NME7: variants seen among roughly 807,000 people sequenced by gnomAD.
NME7 encodes the protein nucleoside diphosphate kinase 7.
A neutral mutation model predicts 49.1 loss-of-function variants in NME7; 41 were observed. The observed-to-expected ratio is 0.83, with a 90% CI of 0.65 to 1.08. The LOEUF (loss-of-function observed/expected upper bound fraction) is 1.08. NME7 is among the 50% of genes least tolerant of loss of function. The pLI is 0.00. For synonymous variants in NME7, 139 were observed against 150.6 expected, an observed-to-expected ratio of 0.92 and a Z score of 0.56; for missense variants, 423 against 463.4, an observed-to-expected ratio of 0.91 and a Z score of 0.80.
intron 7 of NME7, among the ~76,000 whole-genome samples, chr1:169,271,195 G>A (rs143631633): frequency 6.7e-5 from 9 of 133,364 alleles, no homozygotes; most frequent in African/African-American, 2.0e-4. Context: ...CATCCACATA[G>A]ATTAACTATA....
rs1452847748 is a variant in NME7, at chr1:169,355,143, T to C, written c.3+12565A>G. Among the ~76,000 whole-genome samples the C allele has an allele frequency of 7.9e-4, 33 of 42,006 alleles. 5 individuals carry two copies. The highest frequency in any genetic ancestry group is 3.2e-3 in the African/African-American group (33 of 10,328). 27.6% of individuals were successfully genotyped at this position (42,006 alleles called of 152,430 possible). ...TACTATATATTATAGATATAATATA[T>C]AATATACTATATATTATAGATATAA... On this transcript the variant is annotated intron_variant, in intron 1 of 11. Coordinates refer to ENST00000367811, the MANE Select transcript of NME7 (RefSeq NM_013330.5).
intron 10 of NME7, among the ~76,000 whole-genome samples, chr1:169,173,248 T>C (rs1659655558): frequency 6.6e-6 from 1 of 152,212 alleles, no homozygotes; most frequent in African/African-American, 2.4e-5. Flanking sequence ...GACAGAAAGG[T>C]ATGTTTTGAC....
chr1:169,213,834 T>TAA (rs1557991046), intron 10 of NME7, among the ~76,000 whole-genome samples: 2 of 150,494 alleles, frequency 1.3e-5, no homozygotes, highest in Admixed American at 1.3e-4. Flanking sequence ...TAAATAAATA[T>TAA]ATATATATAT....
chr1:169,304,507 T>C (rs16862077), intron 4 of NME7, among the ~76,000 whole-genome samples: 2,257 of 152,278 alleles, frequency 0.015, 62 homozygotes, highest in African/African-American at 0.051. Flanking sequence ...CATTTGGCTA[T>C]GAAGAGATTA....
At chr1:169,323,987 G>A (rs980497426) in intron 2 of NME7, among the ~76,000 whole-genome samples, 1 of 151,756 alleles carries the variant, frequency 6.6e-6, no homozygotes, top group East Asian at 1.9e-4. Context: ...CCGAGTAGCT[G>A]GGATTACAGG....
rs11585212 is a variant in NME7 at position 169,186,260 on chromosome 1, C to G, written c.991-16706G>C. Among the ~76,000 whole-genome samples, 179 of 152,194 alleles carry G rather than the reference C, an allele frequency of 1.2e-3. 1 individual carries two copies. Among genetic ancestry groups the G allele is most frequent in the Middle Eastern group, 0.01 (3 of 294 alleles). ...GTTGAGAATTGAAACCTGAGACTCACACAAATAACAAAATAGCACCACGGA... is the reference window on the plus strand; with the variant it reads ...GTTGAGAATTGAAACCTGAGACTCAGACAAATAACAAAATAGCACCACGGA... On this transcript the variant is annotated intron_variant, in intron 10 of 11. Transcript: ENST00000367811.
chr1:169,213,405 G>A (rs745843072), intron 10 of NME7, among the ~76,000 whole-genome samples: 5 of 151,758 alleles, frequency 3.3e-5, no homozygotes, highest in South Asian at 2.1e-4. Context: ...CTACAGCCTC[G>A]AGTACCTCTT....
At chr1:169,321,779 G>A (rs770855776) in intron 3 of NME7, among the ~76,000 whole-genome samples, 17 of 152,174 alleles carry the variant, frequency 1.1e-4, no homozygotes, top group Non-Finnish European at 8.8e-5. Flanking sequence ...TGACTCAGAC[G>A]TTAGGCAATC....
chr1:169,193,939 T>C (rs957783054), intron 10 of NME7, among the ~76,000 whole-genome samples: 3 of 150,834 alleles, frequency 2.0e-5, no homozygotes, highest in African/African-American at 7.3e-5. Context: ...CAAAGAGCAG[T>C]TAAAAAAAAA....
chr1:169,161,012 C>T (rs1659228107), intron 11 of NME7, among the ~76,000 whole-genome samples: 1 of 152,190 alleles, frequency 6.6e-6, no homozygotes, highest in African/African-American at 2.4e-5. Flanking sequence ...CCACTTGTTT[C>T]CCTGCCTGAC....
At chr1:169,233,198 A>G (rs1326203704) in intron 9 of NME7, among the ~76,000 whole-genome samples, 1 of 152,134 alleles carries the variant, frequency 6.6e-6, no homozygotes, top group African/African-American at 2.4e-5. Context: ...ACACAGAATA[A>G]TAGGGGAAAA....
intron 10 of NME7, among the ~76,000 whole-genome samples, chr1:169,226,008 A>G (rs1647325062): frequency 6.6e-6 from 1 of 152,184 alleles, no homozygotes; most frequent in African/African-American, 2.4e-5. Flanking sequence ...ATAAGTTAGT[A>G]CCAGGTGTTA....
At chr1:169,221,702 C>T (rs1661144938) in intron 10 of NME7, among the ~76,000 whole-genome samples, 1 of 151,426 alleles carries the variant, frequency 6.6e-6, no homozygotes, top group Admixed American at 6.6e-5. Context: ...TTTATATACA[C>T]ATAAACTTGA....
rs976104265 is a variant in NME7, at chr1:169,337,131, C to T, written c.4-12631G>A. Among the ~76,000 whole-genome samples the T allele has an allele frequency of 3.3e-5, 5 of 152,174 alleles. No individual in the cohort carries two copies. In the East Asian group the frequency reaches 5.8e-4, roughly 18 times the overall value. On this transcript the variant is annotated intron_variant, in intron 1 of 11. Transcript: ENST00000367811. The stretch of plus-strand genomic sequence containing the variant: ...CTGGGCGCCATGGAGCAGGGGGCGG[C>T]GCTTGTAGGGGAGGCTCGGGCTGCA...
At chr1:169,248,590 T>C (rs1374150584) in intron 7 of NME7, among the ~76,000 whole-genome samples, 1 of 152,174 alleles carries the variant, frequency 6.6e-6, no homozygotes, top group Non-Finnish European at 1.5e-5. Context: ...TAGGTTATCT[T>C]CTATAATTTT....
chr1:169,262,079 A>C (rs1649181896), intron 7 of NME7, among the ~76,000 whole-genome samples: 1 of 134,308 alleles, frequency 7.4e-6, no homozygotes, highest in Admixed American at 7.3e-5. Flanking sequence ...GGACCTGGCC[A>C]TGTGACTTTC....
chr1:169,213,702 T>C lies in NME7; in HGVS notation c.990+17016A>G, dbSNP rs111276579. On this transcript the variant is annotated intron_variant, in intron 10 of 11. Coordinates refer to ENST00000367811, the MANE Select transcript of NME7 (RefSeq NM_013330.5). ...ATTTTCCTGGTCTTTAGCTGGTTGA[T>C]TGTCCAAAGAGATTTGGGTCAGTGT... 5.5e-3 allele frequency among the ~76,000 whole-genome samples: 837 copies of C among 152,202 alleles called. 8 individuals are homozygous for C. The highest frequency in any genetic ancestry group is 0.019 in the African/African-American group (800 of 41,506).
At chr1:169,328,439 T>G (rs1277446561) in intron 1 of NME7, among the ~76,000 whole-genome samples, 2 of 152,176 alleles carry the variant, frequency 1.3e-5, no homozygotes, top group South Asian at 2.1e-4. Flanking sequence ...TTGTACACAC[T>G]CATCTCCCTC....
chr1:169,333,623 C>T (rs1314305143), intron 1 of NME7, among the ~76,000 whole-genome samples: 1 of 151,448 alleles, frequency 6.6e-6, no homozygotes, highest in Non-Finnish European at 1.5e-5. Flanking sequence ...TATATATCTA[C>T]TATGTACCCA....
Sources: allele counts gnomAD v4.1 joint callset (sites outside exome capture counted in the v4.1 genomes callset), GRCh38; gene constraint gnomAD v4.1.1; transcripts MANE v1.5; gene names NCBI Gene and HGNC (gene_info 2026-07-23, HGNC 2026-07-21).